TMEM150A: variants seen among roughly 807,000 people sequenced by gnomAD.
TMEM150A encodes the protein fasting-inducible integral membrane protein TM6P1.
TMEM150A carries 18 observed loss-of-function variants against 29.8 expected under a neutral mutation model. The observed-to-expected ratio is 0.60, with a 90% CI of 0.42 to 0.90. The LOEUF (loss-of-function observed/expected upper bound fraction) is 0.90. Ranked by LOEUF, TMEM150A falls within the 40% of genes least tolerant of loss-of-function variation. TMEM150A has a pLI of 0.00. For missense variants in TMEM150A, 251 were observed against 349.7 expected (o/e 0.72, Z 2.25); for synonymous variants, 127 against 143.6 (o/e 0.88, Z 0.83).
rs560622354 is a variant in TMEM150A, at chr2:85,601,301, C to G, written c.113+134G>C. On this transcript the variant is annotated intron_variant, in intron 3 of 7. Coordinates refer to ENST00000334462, the MANE Select transcript of TMEM150A (RefSeq NM_001031738.3). This position sits in a 1 kb window ranked among gnomAD's most constrained non-coding sequence, Gnocchi z 4.0. ...GGGAAGTGGGTAGGTGGCAAGAAGC[C>G]ATGCCTGGGGACCAATTTCAGAGAA... The G allele has an allele frequency of 2.3e-6, 3 of 1,298,768 alleles. No homozygotes were observed. The highest frequency in any genetic ancestry group is 3.4e-6 in the Non-Finnish European group (3 of 894,142). The allele number at this position is 1,298,768 out of a possible 1,614,324, so 80.5% of individuals were successfully genotyped here. A position where few individuals can be genotyped will look rare whatever the true frequency, so the allele number is the denominator to read the frequency against.
In TMEM150A at chr2:85,599,128, C is replaced by T; in HGVS notation, c.764G>A (p.Ser255Asn). ...ACAGTTGAGGTGGGTGGAGGTGCTG[C>T]TGCTCCCGGAGGACTTGCAGGCCCG... ...PGRACKSSGSSSTSTHLNCAP... is the reference protein window; with the variant it reads ...PGRACKSSGSNSTSTHLNCAP... The change falls in exon 8 of 8, where the codon AGC becomes AAC. Residue 255 changes from serine (S) to asparagine (N), a missense_variant. Transcript: ENST00000334462. The surrounding 1 kb of genome is among the most constrained non-coding windows in gnomAD (Gnocchi z 6.0). 1.2e-6 allele frequency: 2 copies of T among 1,613,778 alleles called. No homozygotes were observed. The highest frequency in any genetic ancestry group is 1.7e-6 in the Non-Finnish European group (2 of 1,180,014).
rs998069738 is a variant in TMEM150A, at chr2:85,602,620, C to CCCGCCG, written c.-136_-131dup. ...CCCAGTACGCACCTCCCCGGAGCGC[C>CCCGCCG]CCGCCGCCGCCGCACCCTGCTCGGC... On this transcript the variant is annotated 5_prime_UTR_variant, in exon 1 of 8. Transcript: ENST00000334462. The surrounding 1 kb of genome is among the most constrained non-coding windows in gnomAD (Gnocchi z 5.6). 6.5e-6 allele frequency: 1 copy of CCCGCCG among 153,298 alleles called. No individual in the cohort carries two copies. The highest frequency in any genetic ancestry group is 1.4e-5 in the Non-Finnish European group (1 of 69,020). 9.5% of individuals were successfully genotyped at this position (153,298 alleles called of 1,614,324 possible).
In TMEM150A at chr2:85,600,782, G is replaced by A; in HGVS notation, c.200+239C>T. ...GACCTGGATGAGGAAGACTGAGCCTGTTTCCTCACCTATAAAATGGTGAAA... is the reference window on the plus strand; with the variant it reads ...GACCTGGATGAGGAAGACTGAGCCTATTTCCTCACCTATAAAATGGTGAAA... On this transcript the variant is annotated intron_variant, in intron 4 of 7. Transcript: ENST00000334462. The A allele has an allele frequency of 5.4e-6, 3 of 555,310 alleles. No individual in the cohort carries two copies. In the South Asian group the frequency reaches 7.1e-5, roughly 13 times the overall value. 34.4% of individuals were successfully genotyped at this position (555,310 alleles called of 1,614,324 possible). A position where few individuals can be genotyped will look rare whatever the true frequency, so the allele number is the denominator to read the frequency against.
In TMEM150A at chr2:85,601,237, G is replaced by A; in HGVS notation, c.114-130C>T. Reference sequence around the variant, plus strand: ...GGGACAGAAGATCCCACTCCCCAGTGCCCGCCTGAAGCAGTAACCAAAGGG... The same window carrying A: ...GGGACAGAAGATCCCACTCCCCAGTACCCGCCTGAAGCAGTAACCAAAGGG... On this transcript the variant is annotated intron_variant, in intron 3 of 7. Transcript: ENST00000334462. This position sits in a 1 kb window ranked among gnomAD's most constrained non-coding sequence, Gnocchi z 4.0. 1 of 1,192,796 alleles carries A rather than the reference G, an allele frequency of 8.4e-7. No individual in the cohort carries two copies. Among genetic ancestry groups the A allele is most frequent in the Non-Finnish European group, 1.2e-6 (1 of 812,562 alleles). 73.9% of individuals were successfully genotyped at this position (1,192,796 alleles called of 1,614,324 possible).
rs967943680 is a variant in TMEM150A, at chr2:85,599,011, A to G, written c.*65T>C. 1.7e-4 allele frequency: 274 copies of G among 1,574,004 alleles called. No homozygotes were observed. The highest frequency in any genetic ancestry group is 6.9e-4 in the Middle Eastern group (3 of 4,336). On this transcript the variant is annotated 3_prime_UTR_variant, in exon 8 of 8. Coordinates refer to ENST00000334462, the MANE Select transcript of TMEM150A (RefSeq NM_001031738.3). The surrounding 1 kb of genome is among the most constrained non-coding windows in gnomAD (Gnocchi z 6.0). ...TTTCTCAAAATTGTTTTTGGTACGAAATAAATGGAAAGAAGATATGGGGTG... is the reference window on the plus strand; with the variant it reads ...TTTCTCAAAATTGTTTTTGGTACGAGATAAATGGAAAGAAGATATGGGGTG...
Position 85,599,862 on chromosome 2 carries a change from T to G in TMEM150A, c.396+29A>C. ...CAGCCAGGCCTTGTTAGGTAAAGTT[T>G]AAGGTTTGCAGGGGAGAAGGGGAAG... On this transcript the variant is annotated intron_variant, in intron 6 of 7. Transcript: ENST00000334462. The surrounding 1 kb of genome is among the most constrained non-coding windows in gnomAD (Gnocchi z 6.0). 1 of 1,612,848 alleles carries G rather than the reference T, an allele frequency of 6.2e-7. No homozygotes were observed. Among genetic ancestry groups the G allele is most frequent in the Non-Finnish European group, 8.5e-7 (1 of 1,179,948 alleles).
chr2:85,600,472 T>C (rs1368598318), intron 4 of TMEM150A, 60 bp from the exon 5 acceptor site: 1 of 1,324,292 alleles, frequency 7.6e-7, no homozygotes, highest in East Asian at 2.3e-5. Flanking sequence ...GGCCCCCATT[T>C]TGGCTCACTG....
chr2:85,598,911 A>T lies in TMEM150A; in HGVS notation c.*165T>A, dbSNP rs1573356754. 9.6e-7 allele frequency: 1 copy of T among 1,044,350 alleles called. No individual in the cohort carries two copies. Among genetic ancestry groups the T allele is most frequent in the East Asian group, 2.6e-5 (1 of 37,826 alleles). 64.7% of individuals were successfully genotyped at this position (1,044,350 alleles called of 1,614,324 possible). A position where few individuals can be genotyped will look rare whatever the true frequency, so the allele number is the denominator to read the frequency against. Reference sequence around the variant, plus strand: ...GCAGCTGTGGCAGCTGGCAGGGCCCACTCCTCCATGGCACAGGTGGGCATG... The same window carrying T: ...GCAGCTGTGGCAGCTGGCAGGGCCCTCTCCTCCATGGCACAGGTGGGCATG... On this transcript the variant is annotated 3_prime_UTR_variant, in exon 8 of 8. Transcript: ENST00000334462.
intron 4 of TMEM150A, chr2:85,600,697 C>T (rs530518421): frequency 2.2e-5 from 12 of 543,760 alleles, no homozygotes; most frequent in Admixed American, 9.9e-5. Context: ...AGCCAGAACA[C>T]GGGCTGGGCA....
rs763482960 is a variant in TMEM150A, at chr2:85,601,104, G to A, written c.117C>T (p.Ser39=). The A allele has an allele frequency of 6.2e-7, 1 of 1,612,644 alleles. No individual in the cohort carries two copies. Among genetic ancestry groups the A allele is most frequent in the Non-Finnish European group, 8.5e-7 (1 of 1,179,554 alleles). ...NHHVCPVENW[S]YNESCPPDPA... ...GGTCAGGAGGGCAGGACTCGTTGTA[G>A]GACCTGGCAGGCAGGACAGGGAGTA... Residue 39 remains serine, a synonymous_variant, in exon 4 of 8, where the codon TCC becomes TCT. Transcript: ENST00000334462. This position sits in a 1 kb window ranked among gnomAD's most constrained non-coding sequence, Gnocchi z 4.0.
Position 85,599,030 on chromosome 2 carries a change from T to TG in TMEM150A, c.*45dup. 1 of 1,585,252 alleles carries TG rather than the reference T, an allele frequency of 6.3e-7. No individual in the cohort carries two copies. Among genetic ancestry groups the TG allele is most frequent in the Non-Finnish European group, 8.6e-7 (1 of 1,162,904 alleles). Reference sequence around the variant, plus strand: ...GTACGAAATAAATGGAAAGAAGATATGGGGTGGGGTGCTGTGGAGGCCGGG... The same window carrying TG: ...GTACGAAATAAATGGAAAGAAGATATGGGGGTGGGGTGCTGTGGAGGCCGGG... On this transcript the variant is annotated 3_prime_UTR_variant, in exon 8 of 8. Coordinates refer to ENST00000334462, the MANE Select transcript of TMEM150A (RefSeq NM_001031738.3). This position sits in a 1 kb window ranked among gnomAD's most constrained non-coding sequence, Gnocchi z 6.0.
At position 85,598,931 on chromosome 2, in the gene TMEM150A, G is replaced by T; in HGVS notation, c.*145C>A. ...GGCCCACTCCTCCATGGCACAGGTG[G>T]GCATGGGATGGCCACTTCTCCAGAA... On this transcript the variant is annotated 3_prime_UTR_variant, in exon 8 of 8. Transcript: ENST00000334462. 1.6e-6 allele frequency: 2 copies of T among 1,217,138 alleles called. No homozygotes were observed. The highest frequency in any genetic ancestry group is 2.2e-6 in the Non-Finnish European group (2 of 891,332). 75.4% of individuals were successfully genotyped at this position (1,217,138 alleles called of 1,614,324 possible).
At chr2:85,600,213 A>C in intron 5 of TMEM150A, 132 bp downstream of exon 5, 1 of 1,310,420 alleles carries the variant, frequency 7.6e-7, no homozygotes, top group Non-Finnish European at 1.1e-6. Context: ...TTTGGCCTTC[A>C]AGGAAGGGGA....
rs1003680140 is a variant in TMEM150A at position 85,598,632 on chromosome 2, G to A, written c.*444C>T. 1.7e-5 allele frequency: 3 copies of A among 173,104 alleles called. No individual in the cohort carries two copies. The highest frequency in any genetic ancestry group is 7.1e-5 in the African/African-American group (3 of 42,214). The allele number at this position is 173,104 out of a possible 1,614,324, so 10.7% of individuals were successfully genotyped here. Reference sequence around the variant, plus strand: ...TGTTATTTGCCCTAAAGGAAGTGAGGGGCAGAGTGAAGAATCCCAGTGCAG... The same window carrying A: ...TGTTATTTGCCCTAAAGGAAGTGAGAGGCAGAGTGAAGAATCCCAGTGCAG... On this transcript the variant is annotated 3_prime_UTR_variant, in exon 8 of 8. Transcript: ENST00000334462.
chr2:85,600,809 C>T, intron 4 of TMEM150A: 1 of 568,154 alleles, frequency 1.8e-6, no homozygotes, highest in Non-Finnish European at 3.1e-6. Flanking sequence ...ATGGTGAAAA[C>T]AATACCTGCC....
chr2:85,599,810 C>T lies in TMEM150A; in HGVS notation c.396+81G>A. 6.2e-7 allele frequency: 1 copy of T among 1,606,820 alleles called. No individual in the cohort carries two copies. Among genetic ancestry groups the T allele is most frequent in the South Asian group, 1.1e-5 (1 of 90,498 alleles). Reference sequence around the variant, plus strand: ...CTTCCTTCCTCTCCCTCTTTCCAGCCCCAACCTTGAGGTGCCACACTGCAG... The same window carrying T: ...CTTCCTTCCTCTCCCTCTTTCCAGCTCCAACCTTGAGGTGCCACACTGCAG... On this transcript the variant is annotated intron_variant, in intron 6 of 7. Transcript: ENST00000334462. This position sits in a 1 kb window ranked among gnomAD's most constrained non-coding sequence, Gnocchi z 6.0.
At position 85,601,972 on chromosome 2, in the gene TMEM150A, G is replaced by T; in HGVS notation, c.-24C>A. ...ATGAGGGAGGGGAGCCAGGGTGGTG[G>T]TGGTGTTGGGGGGAGGACAAGAGGT... On this transcript the variant is annotated 5_prime_UTR_variant, in exon 2 of 8. Transcript: ENST00000334462. The surrounding 1 kb of genome is among the most constrained non-coding windows in gnomAD (Gnocchi z 4.0). 1.2e-6 allele frequency: 2 copies of T among 1,613,642 alleles called. No homozygotes were observed. Among genetic ancestry groups the T allele is most frequent in the Admixed American group, 1.7e-5 (1 of 60,018 alleles).
chr2:85,602,067 G>C lies in TMEM150A; in HGVS notation c.-116-3C>G. 1.1e-6 allele frequency: 1 copy of C among 887,900 alleles called. No individual in the cohort carries two copies. The highest frequency in any genetic ancestry group is 1.8e-5 in the Admixed American group (1 of 54,794). The allele number at this position is 887,900 out of a possible 1,614,324, so 55.0% of individuals were successfully genotyped here. ...CCACAACCATCAGCTGTCCTGGCCT[G>C]GTGGAGAGAGATCAAAGTCCAGGAG... is the stretch of plus-strand genomic sequence containing the variant. On this transcript the variant is annotated splice_region_variant and splice_polypyrimidine_tract_variant and intron_variant, in intron 1 of 7. Coordinates refer to ENST00000334462, the MANE Select transcript of TMEM150A (RefSeq NM_001031738.3). This position sits in a 1 kb window ranked among gnomAD's most constrained non-coding sequence, Gnocchi z 5.6.
Position 85,601,405 on chromosome 2 carries a change from G to C in TMEM150A, c.113+30C>G, listed in dbSNP as rs1672946878. On this transcript the variant is annotated intron_variant, in intron 3 of 7. Coordinates refer to ENST00000334462, the MANE Select transcript of TMEM150A (RefSeq NM_001031738.3). This position sits in a 1 kb window ranked among gnomAD's most constrained non-coding sequence, Gnocchi z 4.0. ...GGGGACAGAGATGAAGGAAGCTTTAGAGCAAGGTTGTCTGCAGAGTCCTTC... is the reference window on the plus strand; with the variant it reads ...GGGGACAGAGATGAAGGAAGCTTTACAGCAAGGTTGTCTGCAGAGTCCTTC... The C allele has an allele frequency of 2.5e-6, 4 of 1,613,644 alleles. No homozygotes were observed. The highest frequency in any genetic ancestry group is 1.3e-5 in the African/African-American group (1 of 74,900).
Sources: allele counts gnomAD v4.1 joint callset, GRCh38; gene constraint gnomAD v4.1.1; non-coding constraint Gnocchi (gnomAD v3.1); transcripts MANE v1.5; gene names NCBI Gene and HGNC (gene_info 2026-07-23, HGNC 2026-07-21).